The following ABCC4 variants were observed in gnomAD, a reference collection of about 807,000 sequenced individuals.
ABCC4 encodes ATP binding cassette subfamily C member 4 (PEL blood group), also known as ATP-binding cassette sub-family C member 4.
A neutral mutation model predicts 168.5 loss-of-function variants in ABCC4; 102 were observed. That is an observed-to-expected ratio of 0.61 (90% CI 0.52 to 0.71). The LOEUF is 0.71. ABCC4 is among the 30% of genes least tolerant of loss of function. The pLI, the probability that ABCC4 is intolerant of heterozygous loss-of-function variation, is 0.00. For missense variants in ABCC4, 1,402 were observed against 1,605.8 expected, an observed-to-expected ratio of 0.87 and a Z score of 2.17; for synonymous variants, 617 against 590.7, an observed-to-expected ratio of 1.04 and a Z score of -0.65.
At chr13:95,295,847 GT>G (rs1205572920) in intron 1 of ABCC4, among the ~76,000 whole-genome samples, 1 of 151,116 alleles carries the variant, frequency 6.6e-6, no homozygotes, top group Non-Finnish European at 1.5e-5. Flanking sequence ...GGCACCTGTA[GT>G]CCCAGCTACT....
chr13:95,083,355 AGTT>A (rs1035841905), intron 20 of ABCC4, 65 bp from the exon 21 acceptor site: 11 of 1,562,982 alleles, frequency 7.0e-6, no homozygotes, highest in African/African-American at 5.5e-5. Flanking sequence ...TACTTGCATG[AGTT>A]GTTGTTAGGA....
chr13:95,092,279 A>G (rs1295432177), intron 20 of ABCC4, among the ~76,000 whole-genome samples: 1 of 152,158 alleles, frequency 6.6e-6, no homozygotes, highest in African/African-American at 2.4e-5. Context: ...ACAAAGAAAC[A>G]ATGGATTTAA....
At chr13:95,289,825 G>A (rs949632543) in intron 1 of ABCC4, among the ~76,000 whole-genome samples, 9 of 152,114 alleles carry the variant, frequency 5.9e-5, no homozygotes, top group East Asian at 1.9e-4. Context: ...TGCGGGGCGC[G>A]GTGGCTCACA....
intron 9 of ABCC4, 57 bp downstream of exon 9, chr13:95,194,779 A>T: frequency 7.1e-7 from 1 of 1,408,826 alleles, no homozygotes; most frequent in Non-Finnish European, 1.0e-6. Context: ...ATTCTCTATT[A>T]AATCAATGTC....
In ABCC4 at chr13:95,074,229, G is replaced by C; in HGVS notation, c.2902C>G (p.Leu968Val). Residue 968 changes from leucine (L) to valine (V), a missense_variant, in exon 23 of 31, where the codon CTG becomes GTG. Physicochemically the swap from Leu to Val is conservative, Grantham distance 32 (BLOSUM62 1). This residue lies in a region of ABCC4 where 1,007 missense variants were observed against 1,127.3 expected (regional missense o/e 0.89). Coordinates refer to ENST00000645237, the MANE Select transcript of ABCC4 (RefSeq NM_005845.5). ...MFVIIVAFGSLILAKTLDAGQ... is the reference protein window; with the variant it reads ...MFVIIVAFGSVILAKTLDAGQ... ...CTGTACTTACTTTTTGCCAGAATCA[G>C]GGACCCAAAGGCAACGATGATGACA... is the stretch of plus-strand genomic sequence containing the variant. 6.2e-7 allele frequency: 1 copy of C among 1,613,324 alleles called. No individual in the cohort carries two copies. The highest frequency in any genetic ancestry group is 8.5e-7 in the Non-Finnish European group (1 of 1,179,654).
chr13:95,059,182 G>T lies in ABCC4; in HGVS notation c.3366+3522C>A, dbSNP rs148989542. On this transcript the variant is annotated intron_variant, in intron 26 of 30. Transcript: ENST00000645237. ...CCTAGGAGAGGGTTCAGGAACTCAG[G>T]ATCTGGCATTGAGATTCGCCGTAAA... Among the ~76,000 whole-genome samples the T allele has an allele frequency of 2.6e-5, 4 of 152,302 alleles. No individual in the cohort carries two copies. In the East Asian group the frequency reaches 7.7e-4, roughly 29 times the overall value.
chr13:95,301,269 C>T lies in ABCC4; in HGVS notation c.46G>A (p.Ala16Thr), dbSNP rs2041673786. ...AAGAACACGCGTGAGCAGAGGTTCG[C>T]GTCCTGCAGCGGGTTGGGCTTCACC... The part of the protein sequence containing the change: ...QEVKPNPLQD[A>T]NLCSRVFFWW... The change falls in exon 1 of 31, where the codon GCG becomes ACG. Residue 16 changes from alanine to threonine, a missense_variant. Around this residue, in one of 3 missense-constraint regions of ABCC4, gnomAD observed 317 missense variants for 345.5 expected, o/e 0.92. Coordinates refer to ENST00000645237, the MANE Select transcript of ABCC4 (RefSeq NM_005845.5). 1.3e-6 allele frequency: 2 copies of T among 1,594,966 alleles called. No individual in the cohort carries two copies. Among genetic ancestry groups the T allele is most frequent in the Non-Finnish European group, 8.5e-7 (1 of 1,171,326 alleles).
At chr13:95,297,470 G>A (rs956704650) in intron 1 of ABCC4, among the ~76,000 whole-genome samples, 1 of 152,134 alleles carries the variant, frequency 6.6e-6, no homozygotes, top group African/African-American at 2.4e-5. Context: ...GCAGCTGCCA[G>A]TTCACAAGTT....
At chr13:95,244,758 C>T (rs1365564577) in intron 3 of ABCC4, among the ~76,000 whole-genome samples, 1 of 151,528 alleles carries the variant, frequency 6.6e-6, no homozygotes, top group Non-Finnish European at 1.5e-5. Flanking sequence ...GCTGCTGCTA[C>T]TACTACTACT....
chr13:95,223,595 G>A (rs1044034381), intron 4 of ABCC4, among the ~76,000 whole-genome samples: 5 of 152,128 alleles, frequency 3.3e-5, no homozygotes, highest in East Asian at 3.8e-4. Context: ...TCTGCCTCCC[G>A]GGTTCAAGCG....
intron 24 of ABCC4, among the ~76,000 whole-genome samples, chr13:95,072,302 A>G (rs1308759289): frequency 6.6e-6 from 1 of 152,138 alleles, no homozygotes; most frequent in Non-Finnish European, 1.5e-5. Context: ...TTCTACTAAA[A>G]ATACAAAAAT....
chr13:95,054,512 C>A (rs2032982113), intron 26 of ABCC4, among the ~76,000 whole-genome samples: 2 of 151,578 alleles, frequency 1.3e-5, no homozygotes, highest in Admixed American at 1.3e-4. Context: ...TCCGTCACTG[C>A]ACTCCAGCCT....
At chr13:95,252,858 CT>C (rs2040301756) in intron 1 of ABCC4, among the ~76,000 whole-genome samples, 1 of 152,182 alleles carries the variant, frequency 6.6e-6, no homozygotes. Context: ...ATACACAGGA[CT>C]TTAACTAGAT....
intron 26 of ABCC4, among the ~76,000 whole-genome samples, chr13:95,058,594 A>AAAAAAAAAAAAG (rs2033163283): frequency 2.9e-4 from 12 of 41,422 alleles, no homozygotes; most frequent in East Asian, 7.9e-4. Flanking sequence ...AAAAAAAAAG[A>AAAAAAAAAAAAG]AAAGAAAAAG....
intron 1 of ABCC4, among the ~76,000 whole-genome samples, chr13:95,281,754 C>G (rs1488243670): frequency 6.6e-6 from 1 of 151,932 alleles, no homozygotes; most frequent in Non-Finnish European, 1.5e-5. Flanking sequence ...TAACTCCAGG[C>G]AATATCTTTG....
chr13:95,251,840 G>C (rs118144309), intron 1 of ABCC4, among the ~76,000 whole-genome samples: 8,474 of 152,188 alleles, frequency 0.056, 355 homozygotes, highest in Non-Finnish European at 0.086. Flanking sequence ...CCACAGTTTC[G>C]CTTTCCACAG....
chr13:95,120,454 G>C (rs927369398), intron 19 of ABCC4, among the ~76,000 whole-genome samples: 1 of 151,064 alleles, frequency 6.6e-6, no homozygotes, highest in Non-Finnish European at 1.5e-5. Context: ...TTAATCCCAG[G>C]TACATGGGAA....
Position 95,243,958 on chromosome 13 carries a change from C to T in ABCC4, c.306+3017G>A, listed in dbSNP as rs567605217. ...TACCTTGGTGCTCTGACCTGCCCAG[C>T]ACCCCAGCCACTCTCTAGCATGTCA... is the stretch of plus-strand genomic sequence containing the variant. On this transcript the variant is annotated intron_variant, in intron 3 of 30. Transcript: ENST00000645237. Among the ~76,000 whole-genome samples, 46 of 152,092 alleles carry T rather than the reference C, an allele frequency of 3.0e-4. 1 individual carries two copies. The highest frequency in any genetic ancestry group is 6.8e-3 in the Middle Eastern group (2 of 294).
intron 20 of ABCC4, among the ~76,000 whole-genome samples, chr13:95,110,989 A>T (rs891629881): frequency 7.3e-5 from 11 of 151,676 alleles, no homozygotes; most frequent in Admixed American, 7.2e-4. Flanking sequence ...AAGAAAGAAA[A>T]AAAAAAAAAA....
Sources: gnomAD v4.1 joint callset for allele counts (sites outside exome capture counted in the v4.1 genomes callset) on GRCh38, gnomAD v4.1.1 for gene constraint, gnomAD v4.1.1 regional missense constraint, MANE v1.5 for transcripts, NCBI Gene and HGNC (gene_info 2026-07-23, HGNC 2026-07-21) for gene names.